CELF2: variants seen among roughly 807,000 people sequenced by gnomAD.
The protein encoded by CELF2 is CUG triplet repeat RNA-binding protein 2.
CELF2 carries 8 observed loss-of-function variants against 62.6 expected under a neutral mutation model. The observed-to-expected ratio is 0.13, with a 90% CI of 0.07 to 0.23. The LOEUF (loss-of-function observed/expected upper bound fraction) is 0.23. CELF2 is among the 10% of genes least tolerant of loss of function. The pLI, the probability that CELF2 is intolerant of heterozygous loss-of-function variation, is 1.00. For synonymous variants in CELF2, 258 were observed against 250.0 expected (o/e 1.03, Z -0.30); for missense variants, 333 against 671.0 (o/e 0.50, Z 5.56).
chr10:11,155,366 CT>C (rs72239442), intron 1 of CELF2, among the ~76,000 whole-genome samples: 19,987 of 152,188 alleles, frequency 0.13, 1,417 homozygotes, highest in African/African-American at 0.18. Flanking sequence ...GGTGTCTGCC[CT>C]CATCATGACA....
intron 3 of CELF2, among the ~76,000 whole-genome samples, chr10:11,229,285 T>C (rs1013421252): frequency 1.3e-5 from 2 of 152,234 alleles, no homozygotes; most frequent in Admixed American, 1.3e-4. Context: ...TTTCATTCCA[T>C]GACTTGAGGC....
At chr10:11,025,191 G>T (rs2058944474) in intron 1 of CELF2, among the ~76,000 whole-genome samples, 1 of 150,930 alleles carries the variant, frequency 6.6e-6, no homozygotes, top group Non-Finnish European at 1.5e-5. Flanking sequence ...AAATATGTGT[G>T]GGGGTATATA....
chr10:10,552,748 G>A, the CELF2 span, among the ~76,000 whole-genome samples: 67 of 152,306 alleles, frequency 4.4e-4, no homozygotes, highest in Non-Finnish European at 6.8e-4. Context: ...TTTCCTTTCT[G>A]ATGTTGTTCG....
chr10:10,562,035 A>T, the CELF2 span, among the ~76,000 whole-genome samples: 1 of 152,308 alleles, frequency 6.6e-6, no homozygotes, highest in South Asian at 2.1e-4. Context: ...TCCATCACTT[A>T]CCAGAAGGCT....
the CELF2 span, among the ~76,000 whole-genome samples, chr10:10,746,820 C>A: frequency 6.6e-6 from 1 of 152,190 alleles, no homozygotes; most frequent in Non-Finnish European, 1.5e-5. Context: ...AAATAGATAA[C>A]TGTTTAGGTT....
At chr10:10,547,398 G>A in the CELF2 span, among the ~76,000 whole-genome samples, 3 of 152,162 alleles carry the variant, frequency 2.0e-5, no homozygotes, top group Admixed American at 6.5e-5. Context: ...CACTGACTTT[G>A]CCTGTGACAG....
At chr10:10,565,869 T>A in the CELF2 span, among the ~76,000 whole-genome samples, 1 of 152,224 alleles carries the variant, frequency 6.6e-6, no homozygotes, top group East Asian at 1.9e-4. Context: ...CTTAATGATG[T>A]ATGATACCTT....
In CELF2 at chr10:11,247,754, C is replaced by T. The variant is rs772757366; in HGVS notation, c.355-1399C>T. On this transcript the variant is annotated intron_variant, in intron 3 of 12. Transcript: ENST00000633077. The surrounding 1 kb of genome is among the most constrained non-coding windows in gnomAD (Gnocchi z 5.4). The stretch of plus-strand genomic sequence containing the variant: ...CCAGACAGATGCATGCTGGGAGGAT[C>T]GCTTGCTCAAAGACTCTGCCCATCT... Among the ~76,000 whole-genome samples, 6 of 152,178 alleles carry T rather than the reference C, an allele frequency of 3.9e-5. No individual in the cohort carries two copies. The highest frequency in any genetic ancestry group is 3.8e-4 in the East Asian group (2 of 5,196).
At position 11,218,569 on chromosome 10, in the gene CELF2, C is replaced by A. The variant is rs1180029780; in HGVS notation, c.354+1062C>A. On this transcript the variant is annotated intron_variant, in intron 3 of 12. Coordinates refer to ENST00000633077, the MANE Select transcript of CELF2 (RefSeq NM_001326342.2). ...AAAGCTCAGCAAAAGATTTTCACAA[C>A]ATGAGGTTCTTCATCACCCAAAAGT... is the stretch of plus-strand genomic sequence containing the variant. Among the ~76,000 whole-genome samples the A allele has an allele frequency of 2.0e-5, 3 of 152,222 alleles. No homozygotes were observed. The South Asian group carries it at 6.2e-4, about 32-fold the overall frequency.
chr10:11,336,029 C>T lies in CELF2; in HGVS notation c.*6976C>T, dbSNP rs1483397982. ...CACTGCAGTGTGAGCAAGGTGAATC[C>T]GTGTGCCATGCATGGACCACCTTGG... On this transcript the variant is annotated 3_prime_UTR_variant, in exon 13 of 13. Coordinates refer to ENST00000633077, the MANE Select transcript of CELF2 (RefSeq NM_001326342.2). This position sits in a 1 kb window ranked among gnomAD's most constrained non-coding sequence, Gnocchi z 5.4. 6.6e-6 allele frequency: 1 copy of T among 152,428 alleles called. No individual in the cohort carries two copies. Among genetic ancestry groups the T allele is most frequent in the East Asian group, 1.9e-4 (1 of 5,190 alleles). The allele number at this position is 152,428 out of a possible 1,614,324, so 9.4% of individuals were successfully genotyped here.
intron 5 of CELF2, among the ~76,000 whole-genome samples, chr10:11,266,180 T>A (rs2082143808): frequency 6.6e-6 from 1 of 152,174 alleles, no homozygotes; most frequent in Admixed American, 6.5e-5. Flanking sequence ...CCTTTAAAAA[T>A]CAATGATAAA....
chr10:10,672,490 T>C, the CELF2 span, among the ~76,000 whole-genome samples: 14 of 79,584 alleles, frequency 1.8e-4, no homozygotes, highest in Admixed American at 1.4e-3. Flanking sequence ...TCTACATTCC[T>C]TTTTTTTTTT....
At chr10:11,123,130 C>A (rs942061127) in intron 1 of CELF2, among the ~76,000 whole-genome samples, 2 of 152,104 alleles carry the variant, frequency 1.3e-5, no homozygotes, top group Non-Finnish European at 2.9e-5. Context: ...GAGTAAAATC[C>A]TAGATGTTAT....
chr10:11,198,293 G>A (rs867938220), intron 2 of CELF2, among the ~76,000 whole-genome samples: 19 of 152,192 alleles, frequency 1.2e-4, no homozygotes, highest in African/African-American at 4.1e-4. Flanking sequence ...TGCAGTGACT[G>A]ATAAAAACTG....
chr10:10,651,180 C>CGT, the CELF2 span, among the ~76,000 whole-genome samples: 25 of 121,738 alleles, frequency 2.1e-4, no homozygotes, highest in African/African-American at 6.9e-4. Context: ...AAAAACGGCG[C>CGT]ACCACGAGAT....
the CELF2 span, among the ~76,000 whole-genome samples, chr10:10,620,081 G>A: frequency 6.6e-6 from 1 of 152,146 alleles, no homozygotes; most frequent in Non-Finnish European, 1.5e-5. Flanking sequence ...GAAAAAAAAT[G>A]TTTCTAATAC....
intron 2 of CELF2, chr10:10,929,533 G>C (rs1592056992): frequency 1.3e-5 from 2 of 152,228 alleles, no homozygotes; most frequent in Admixed American, 1.3e-4. Context: ...GCCCAGCGAA[G>C]TGATTCAGTG....
intron 2 of CELF2, among the ~76,000 whole-genome samples, chr10:11,184,148 A>C (rs574647529): frequency 3.3e-4 from 50 of 152,306 alleles, no homozygotes; most frequent in African/African-American, 1.2e-3. Flanking sequence ...TTGTTCCAGC[A>C]CTATTTGTCC....
intron 1 of CELF2, among the ~76,000 whole-genome samples, chr10:11,146,295 C>T (rs1446121043): frequency 6.6e-6 from 1 of 152,120 alleles, no homozygotes; most frequent in African/African-American, 2.4e-5. Context: ...GAGGGTTTTC[C>T]AAAAGGACCC....
Sources: gnomAD v4.1 joint callset for allele counts (sites outside exome capture counted in the v4.1 genomes callset) on GRCh38, gnomAD v4.1.1 for gene constraint, Gnocchi (gnomAD v3.1) non-coding constraint, MANE v1.5 for transcripts, NCBI Gene and HGNC (gene_info 2026-07-23, HGNC 2026-07-21) for gene names.